The following KCMF1 variants were observed in gnomAD, a reference collection of about 807,000 sequenced individuals.
KCMF1 encodes potassium channel modulatory factor 1, also known as E3 ubiquitin-protein ligase KCMF1.
A neutral mutation model predicts 41.1 loss-of-function variants in KCMF1; 3 were observed. The ratio of observed to expected loss-of-function variants is 0.07; its 90% CI spans 0.03 to 0.19. The LOEUF (loss-of-function observed/expected upper bound fraction) is 0.19. KCMF1 is among the 10% of genes least tolerant of loss of function. KCMF1 has a pLI of 1.00. For missense variants in KCMF1, 286 were observed against 488.9 expected (o/e 0.58, Z 3.91); for synonymous variants, 142 against 164.5 (o/e 0.86, Z 1.04).
intron 1 of KCMF1, among the ~76,000 whole-genome samples, chr2:85,018,731 T>C (rs1405032119): frequency 6.6e-6 from 1 of 151,894 alleles, no homozygotes; most frequent in African/African-American, 2.4e-5. Flanking sequence ...CAGCTTTGCC[T>C]CTCAAGGCAT....
chr2:84,990,417 T>C lies in KCMF1; in HGVS notation c.16+18950T>C, dbSNP rs139700897. The stretch of plus-strand genomic sequence containing the variant: ...AAAGATAAGAGGAACTTCTTCTCAC[T>C]CTGAAGCTTATATTTTAGTGGAGAC... On this transcript the variant is annotated intron_variant, in intron 1 of 6. Transcript: ENST00000409785. Among the ~76,000 whole-genome samples the C allele has an allele frequency of 2.5e-3, 387 of 152,318 alleles. 4 individuals are homozygous for C. Among genetic ancestry groups the C allele is most frequent in the African/African-American group, 9.0e-3 (376 of 41,562 alleles).
chr2:85,038,485 T>G (rs1198139072), intron 3 of KCMF1, among the ~76,000 whole-genome samples: 1 of 152,222 alleles, frequency 6.6e-6, no homozygotes, highest in Non-Finnish European at 1.5e-5. Flanking sequence ...CAGTCTTGTA[T>G]TCATTATATC....
At chr2:85,036,823 A>G (rs895263135) in intron 3 of KCMF1, among the ~76,000 whole-genome samples, 6 of 148,356 alleles carry the variant, frequency 4.0e-5, no homozygotes, top group Admixed American at 3.4e-4. Flanking sequence ...ATTATTATAT[A>G]TAATATATAA....
At chr2:84,973,077 T>C (rs1330475614) in intron 1 of KCMF1, among the ~76,000 whole-genome samples, 1 of 152,256 alleles carries the variant, frequency 6.6e-6, no homozygotes, top group African/African-American at 2.4e-5. Flanking sequence ...ACTGTAGTCC[T>C]GTGTACATTG....
Position 85,034,796 on chromosome 2 carries a change from A to G in KCMF1, c.185-220A>G, listed in dbSNP as rs189666715. ...GCCACCATGCCTGGCTAATTTTTGT[A>G]TTTTTAGTAGACACGAGGTTTTACC... is the stretch of plus-strand genomic sequence containing the variant. On this transcript the variant is annotated intron_variant, in intron 2 of 6. Coordinates refer to ENST00000409785, the MANE Select transcript of KCMF1 (RefSeq NM_020122.5). 8.6e-5 allele frequency among the ~76,000 whole-genome samples: 13 copies of G among 152,008 alleles called. No homozygotes were observed. The East Asian group carries it at 2.5e-3, about 29-fold the overall frequency.
At chr2:85,050,963 AT>A (rs953288449) in intron 6 of KCMF1, among the ~76,000 whole-genome samples, 3 of 152,196 alleles carry the variant, frequency 2.0e-5, no homozygotes, top group African/African-American at 7.2e-5. Flanking sequence ...CCAAACCTCA[AT>A]TTTATCATCA....
In KCMF1 at chr2:85,025,591, C is replaced by T. The variant is rs145724468; in HGVS notation, c.17-2298C>T. On this transcript the variant is annotated intron_variant, in intron 1 of 6. Coordinates refer to ENST00000409785, the MANE Select transcript of KCMF1 (RefSeq NM_020122.5). ...CCTTCTCTTTGAATTTGGCACATCT[C>T]GATGGAATCACAAATGACATTTTTT... is the stretch of plus-strand genomic sequence containing the variant. Among the ~76,000 whole-genome samples, 115 of 152,158 alleles carry T rather than the reference C, an allele frequency of 7.6e-4. 1 individual carries two copies. Among genetic ancestry groups the T allele is most frequent in the African/African-American group, 2.6e-3 (106 of 41,500 alleles).
At chr2:84,986,702 C>T (rs115066633) in intron 1 of KCMF1, among the ~76,000 whole-genome samples, 1,832 of 149,938 alleles carry the variant, frequency 0.012, 50 homozygotes, top group African/African-American at 0.044. Context: ...ATGGTGAAAC[C>T]GTGTCTGTAC....
intron 2 of KCMF1, among the ~76,000 whole-genome samples, chr2:85,028,966 TTATTTTA>T (rs773872447): frequency 1.3e-5 from 2 of 152,084 alleles, no homozygotes; most frequent in Non-Finnish European, 2.9e-5. Context: ...TAGCTTTATT[TTATTTTA>T]TTTTTTATTT....
At chr2:85,018,098 A>G (rs1348961467) in intron 1 of KCMF1, among the ~76,000 whole-genome samples, 1 of 152,108 alleles carries the variant, frequency 6.6e-6, no homozygotes, top group Non-Finnish European at 1.5e-5. Flanking sequence ...GTGTTGAAAA[A>G]GGGGTTAAAC....
At chr2:84,978,591 G>C (rs953500932) in intron 1 of KCMF1, among the ~76,000 whole-genome samples, 1 of 151,320 alleles carries the variant, frequency 6.6e-6, no homozygotes. Flanking sequence ...CTGTCATCCA[G>C]GCTGGAGTGC....
chr2:85,021,721 C>T (rs1674947401), intron 1 of KCMF1, among the ~76,000 whole-genome samples: 1 of 151,942 alleles, frequency 6.6e-6, no homozygotes, highest in African/African-American at 2.4e-5. Context: ...TCGTAGCAAA[C>T]TTCATAGATG....
At chr2:85,032,704 G>A (rs1021752708) in intron 2 of KCMF1, among the ~76,000 whole-genome samples, 1 of 151,998 alleles carries the variant, frequency 6.6e-6, no homozygotes, top group Non-Finnish European at 1.5e-5. Flanking sequence ...GTAGAGATGG[G>A]GTTTTCCTAG....
chr2:85,032,863 A>G (rs1675309768), intron 2 of KCMF1, among the ~76,000 whole-genome samples: 1 of 152,188 alleles, frequency 6.6e-6, no homozygotes, highest in Non-Finnish European at 1.5e-5. Flanking sequence ...ACACAAGGTC[A>G]TGTCATCTGC....
intron 1 of KCMF1, among the ~76,000 whole-genome samples, chr2:84,998,760 G>A (rs1674237972): frequency 2.7e-5 from 4 of 148,366 alleles, no homozygotes; most frequent in East Asian, 2.0e-4. Context: ...GTACCACCCC[G>A]CCCAATTAAT....
rs1675961514 is a variant in KCMF1 at position 85,057,416 on chromosome 2, C to G, written c.*4007C>G. ...TTTCAGCCTCAACAGTAATTGAAAC[C>G]CTATGCCTGGCCTGGAGTGGGTAGA... On this transcript the variant is annotated 3_prime_UTR_variant, in exon 7 of 7. Transcript: ENST00000409785. 1 of 152,070 alleles carries G rather than the reference C, an allele frequency of 6.6e-6. No homozygotes were observed. The highest frequency in any genetic ancestry group is 2.1e-4 in the South Asian group (1 of 4,810). 9.4% of individuals were successfully genotyped at this position (152,070 alleles called of 1,614,324 possible). A position where few individuals can be genotyped will look rare whatever the true frequency, so the allele number is the denominator to read the frequency against.
chr2:85,006,401 C>T (rs1195444435), intron 1 of KCMF1, among the ~76,000 whole-genome samples: 6 of 148,626 alleles, frequency 4.0e-5, no homozygotes, highest in African/African-American at 7.5e-5. Context: ...CTCAGGTTCA[C>T]GCCATTCTCC....
intron 1 of KCMF1, among the ~76,000 whole-genome samples, chr2:85,017,882 A>G (rs1473873809): frequency 6.6e-6 from 1 of 152,134 alleles, no homozygotes; most frequent in Non-Finnish European, 1.5e-5. Context: ...AAGACTACGT[A>G]TTATTTCAGT....
intron 3 of KCMF1, among the ~76,000 whole-genome samples, chr2:85,042,915 T>C (rs6710971): frequency 0.01 from 1,581 of 152,282 alleles, 22 homozygotes; most frequent in African/African-American, 0.036. Context: ...AAGAGGCCCA[T>C]GGAAAGTTGT....
Sources: gnomAD v4.1 joint callset for allele counts (sites outside exome capture counted in the v4.1 genomes callset) on GRCh38, gnomAD v4.1.1 for gene constraint, MANE v1.5 for transcripts, NCBI Gene and HGNC (gene_info 2026-07-23, HGNC 2026-07-21) for gene names.